The following DNM3 variants were observed in gnomAD, a reference collection of about 807,000 sequenced individuals.
The protein encoded by DNM3 is dynamin-3.
In DNM3, 47 loss-of-function variants were observed where a neutral mutation model predicts 101.6. The observed-to-expected ratio is 0.46, with a 90% CI of 0.37 to 0.59. The LOEUF is 0.59. Ranked by LOEUF, DNM3 falls within the 20% of genes least tolerant of loss-of-function variation. The pLI is 0.00. For missense variants in DNM3, 849 were observed against 1,085.7 expected (o/e 0.78, Z 3.06); for synonymous variants, 385 against 387.9 (o/e 0.99, Z 0.09).
chr1:172,100,733 A>G (rs936437464), intron 13 of DNM3, among the ~76,000 whole-genome samples: 1 of 152,216 alleles, frequency 6.6e-6, no homozygotes, highest in Non-Finnish European at 1.5e-5. Flanking sequence ...CAGGGATAGA[A>G]TCGAGCACTA....
At chr1:171,970,442 A>G (rs2043907039) in intron 2 of DNM3, among the ~76,000 whole-genome samples, 1 of 152,112 alleles carries the variant, frequency 6.6e-6, no homozygotes, top group Non-Finnish European at 1.5e-5. Flanking sequence ...GGGTATTAAC[A>G]GTACTTAATA....
At chr1:171,843,001 G>A (rs182325036) in intron 1 of DNM3, among the ~76,000 whole-genome samples, 1 of 152,180 alleles carries the variant, frequency 6.6e-6, no homozygotes, top group African/African-American at 2.4e-5. Context: ...TGGCTCATTC[G>A]TGACTTGGGA....
chr1:172,377,553 C>CATATATATATATATATATAT (rs34612864), intron 17 of DNM3, among the ~76,000 whole-genome samples: 1,850 of 122,922 alleles, frequency 0.015, 25 homozygotes, highest in South Asian at 0.023. Context: ...TGATATATAT[C>CATATATATATATATATATAT]ATATATATAT....
At chr1:172,301,929 A>G (rs1362309397) in intron 15 of DNM3, among the ~76,000 whole-genome samples, 1 of 152,192 alleles carries the variant, frequency 6.6e-6, no homozygotes, top group Admixed American at 6.5e-5. Context: ...ATGACCGAAT[A>G]GTAACAGCTC....
At chr1:172,081,174 G>C (rs1162240423) in intron 11 of DNM3, among the ~76,000 whole-genome samples, 1 of 152,158 alleles carries the variant, frequency 6.6e-6, no homozygotes, top group African/African-American at 2.4e-5. Context: ...ATGACTCACT[G>C]CAGCTTTGAA....
intron 17 of DNM3, among the ~76,000 whole-genome samples, chr1:172,353,856 A>G (rs1419246859): frequency 1.3e-5 from 2 of 152,140 alleles, no homozygotes; most frequent in African/African-American, 4.8e-5. Flanking sequence ...TCATATTTAT[A>G]TGACTAGTGT....
chr1:172,203,914 A>G (rs2060239047), intron 14 of DNM3, among the ~76,000 whole-genome samples: 1 of 152,188 alleles, frequency 6.6e-6, no homozygotes, highest in Non-Finnish European at 1.5e-5. Context: ...CATTTCCATC[A>G]CTATAAAGTG....
At chr1:171,849,975 T>A (rs1421095219) in intron 1 of DNM3, among the ~76,000 whole-genome samples, 1 of 152,194 alleles carries the variant, frequency 6.6e-6, no homozygotes, top group Non-Finnish European at 1.5e-5. Context: ...AAGGAAGATA[T>A]TTGATGCTGT....
intron 14 of DNM3, among the ~76,000 whole-genome samples, chr1:172,215,791 C>G (rs571184882): frequency 6.6e-6 from 1 of 151,836 alleles, no homozygotes; most frequent in Non-Finnish European, 1.5e-5. Flanking sequence ...GTAATTGATG[C>G]GTCAGAAACC....
At chr1:172,004,575 ACAAG>A (rs2046555298) in intron 4 of DNM3, among the ~76,000 whole-genome samples, 1 of 151,980 alleles carries the variant, frequency 6.6e-6, no homozygotes, top group Non-Finnish European at 1.5e-5. Context: ...GAAGACAGCA[ACAAG>A]GGGGAATAGA....
chr1:171,844,404 C>T (rs137860020), intron 1 of DNM3, among the ~76,000 whole-genome samples: 1 of 152,304 alleles, frequency 6.6e-6, no homozygotes, highest in South Asian at 2.1e-4. Flanking sequence ...TTGCTCTTGA[C>T]TCAAGCTTCT....
intron 10 of DNM3, among the ~76,000 whole-genome samples, chr1:172,060,141 G>C (rs962507803): frequency 2.1e-5 from 3 of 146,150 alleles, no homozygotes; most frequent in African/African-American, 7.6e-5. Context: ...ACTTACAAGG[G>C]ATGTGAAGGA....
intron 4 of DNM3, among the ~76,000 whole-genome samples, chr1:172,003,546 C>T (rs920643174): frequency 1.3e-5 from 2 of 151,720 alleles, no homozygotes; most frequent in African/African-American, 2.4e-5. Flanking sequence ...CTCTCCTGCC[C>T]CCTCCCCTTC....
intron 20 of DNM3, among the ~76,000 whole-genome samples, chr1:172,397,528 G>A (rs1393513734): frequency 1.3e-5 from 2 of 152,040 alleles, no homozygotes; most frequent in Admixed American, 1.3e-4. Context: ...AGTTCAGTTC[G>A]GGAATCTTTA....
intron 1 of DNM3, 61 bp from the exon 2 acceptor site, chr1:171,921,687 A>C: frequency 7.1e-7 from 1 of 1,406,558 alleles, no homozygotes; most frequent in East Asian, 2.5e-5. Flanking sequence ...AACTTGGTTT[A>C]TGAATGTACA....
At chr1:172,291,189 A>G (rs928875762) in intron 15 of DNM3, among the ~76,000 whole-genome samples, 2 of 152,222 alleles carry the variant, frequency 1.3e-5, no homozygotes, top group Non-Finnish European at 2.9e-5. Context: ...GAGTTTTGCT[A>G]TAAAGGCAAA....
At chr1:172,101,332 C>A (rs970858361) in intron 13 of DNM3, among the ~76,000 whole-genome samples, 3 of 152,134 alleles carry the variant, frequency 2.0e-5, no homozygotes, top group Non-Finnish European at 2.9e-5. Context: ...CCCCTTCTCT[C>A]CCTTTCCTTT....
In DNM3 at chr1:172,042,028, G is replaced by A; in HGVS notation, c.1012G>A (p.Val338Met). 6.3e-7 allele frequency: 1 copy of A among 1,598,472 alleles called. No homozygotes were observed. Among genetic ancestry groups the A allele is most frequent in the Non-Finnish European group, 8.5e-7 (1 of 1,175,684 alleles). The change falls in exon 8 of 21, where the codon GTG becomes ATG. Residue 338 changes from valine to methionine, a missense_variant. Physicochemically the swap from Val to Met is conservative, Grantham distance 21. Coordinates refer to ENST00000627582, the MANE Select transcript of DNM3 (RefSeq NM_015569.5). ...TTACAGGATGGTTCAGCAATTTGCT[G>A]TGGACTTTGAGAAGAGAATTGAAGG... The part of the protein sequence containing the change: ...ALLQMVQQFA[V>M]DFEKRIEGSG...
intron 15 of DNM3, among the ~76,000 whole-genome samples, chr1:172,268,001 G>A (rs867411218): frequency 1.3e-5 from 2 of 152,036 alleles, no homozygotes; most frequent in African/African-American, 2.4e-5. Context: ...TATGAGCCAC[G>A]GCACCTGGCC....
Sources: gnomAD v4.1 joint callset for allele counts (sites outside exome capture counted in the v4.1 genomes callset) on GRCh38, gnomAD v4.1.1 for gene constraint, MANE v1.5 for transcripts, NCBI Gene and HGNC (gene_info 2026-07-23, HGNC 2026-07-21) for gene names.